Variants in MANBA observed in about 807,000 individuals in gnomAD.
MANBA encodes the protein beta-mannosidase.
Under a neutral mutation model 111.1 loss-of-function variants are expected in MANBA, and 83 were observed. The observed-to-expected ratio is 0.75, with a 90% CI of 0.63 to 0.90. MANBA has a LOEUF of 0.90. Ranked by LOEUF, MANBA falls within the 40% of genes least tolerant of loss-of-function variation. The pLI, the probability that MANBA is intolerant of heterozygous loss-of-function variation, is 0.00. For missense variants in MANBA, 1,036 were observed against 1,069.0 expected (o/e 0.97, Z 0.43); for synonymous variants, 370 against 378.7 (o/e 0.98, Z 0.27).
At chr4:102,757,252 C>A (rs1038005679) in intron 1 of MANBA, among the ~76,000 whole-genome samples, 1 of 151,834 alleles carries the variant, frequency 6.6e-6, no homozygotes, top group Non-Finnish European at 1.5e-5. Context: ...TCTCTTGAAC[C>A]CAGGAGGCAG....
intron 10 of MANBA, 134 bp from the exon 11 acceptor site, chr4:102,664,986 T>C (rs986859522): frequency 6.0e-6 from 4 of 664,276 alleles, no homozygotes; most frequent in South Asian, 1.8e-5. Flanking sequence ...AATTTGAAAA[T>C]GGCTAGTCAT....
At chr4:102,655,673 G>A (rs1730527964) in intron 12 of MANBA, among the ~76,000 whole-genome samples, 1 of 152,150 alleles carries the variant, frequency 6.6e-6, no homozygotes, top group African/African-American at 2.4e-5. Flanking sequence ...AGACTTGAAT[G>A]CAAGAGCTAA....
intron 1 of MANBA, among the ~76,000 whole-genome samples, chr4:102,742,070 C>T (rs1723423033): frequency 6.6e-6 from 1 of 152,184 alleles, no homozygotes; most frequent in Non-Finnish European, 1.5e-5. Flanking sequence ...TCCACGCATA[C>T]TCTTCCTTAT....
intron 5 of MANBA, among the ~76,000 whole-genome samples, chr4:102,711,289 TA>T (rs1722054070): frequency 1.3e-5 from 2 of 152,064 alleles, no homozygotes; most frequent in African/African-American, 4.8e-5. Context: ...TAACCCCATT[TA>T]AAAGTGGGCA....
intron 1 of MANBA, chr4:102,734,388 G>T: frequency 6.2e-7 from 1 of 1,610,404 alleles, no homozygotes; most frequent in Admixed American, 1.7e-5. Context: ...CTCACCTCTG[G>T]AGGTGCCTGA....
At chr4:102,643,912 C>A (rs759836987) in intron 13 of MANBA, among the ~76,000 whole-genome samples, 2 of 152,114 alleles carry the variant, frequency 1.3e-5, no homozygotes, top group Non-Finnish European at 2.9e-5. Flanking sequence ...TGATGACATA[C>A]AATTTGCCTA....
chr4:102,635,980 T>C lies in MANBA; in HGVS notation c.2042A>G (p.His681Arg), dbSNP rs185264268. 19 of 1,613,880 alleles carry C rather than the reference T, an allele frequency of 1.2e-5. No individual in the cohort carries two copies. The Admixed American group carries it at 1.7e-4, about 14-fold the overall frequency. Residue 681 changes from histidine to arginine, a missense_variant, in exon 15 of 17, where the codon CAT becomes CGT. Coordinates refer to ENST00000647097, the MANE Select transcript of MANBA (RefSeq NM_005908.4). ...LEYGGKWKML[H>R]YFAQNFFAPL... ...AGCAAAGAAATTCTGAGCAAAGTAA[T>C]GAAGCATTTTCCACTTTCCTCCGTA...
At position 102,671,151 on chromosome 4, in the gene MANBA, T is replaced by G; in HGVS notation, c.1230+130A>C. 3 of 712,970 alleles carry G rather than the reference T, an allele frequency of 4.2e-6. No homozygotes were observed. The South Asian group carries it at 4.5e-5, about 11-fold the overall frequency. The allele number at this position is 712,970 out of a possible 1,614,324, so 44.2% of individuals were successfully genotyped here. On this transcript the variant is annotated intron_variant, in intron 9 of 16. Transcript: ENST00000647097. ...GGCTCTTGGTTTACAAGATGCCATT[T>G]ATTCCTATAGCCCCAAATGGAATAT...
In MANBA at chr4:102,669,050, C is replaced by G; in HGVS notation, c.1231-1G>C. The G allele has an allele frequency of 6.2e-7, 1 of 1,609,190 alleles. No homozygotes were observed. The highest frequency in any genetic ancestry group is 1.3e-5 in the African/African-American group (1 of 74,944). On this transcript the variant is annotated splice_acceptor_variant, in intron 9 of 16. Coordinates refer to ENST00000647097, the MANE Select transcript of MANBA (RefSeq NM_005908.4). LOFTEE classifies it high-confidence loss of function. Reference sequence around the variant, plus strand: ...AGGCAAACATAAAATCCTGCCATACCTAGCAAATCAAATAAAAGGGAATGC... The same window carrying G: ...AGGCAAACATAAAATCCTGCCATACGTAGCAAATCAAATAAAAGGGAATGC...
At chr4:102,638,946 TTTCTAC>T in intron 14 of MANBA, among the ~76,000 whole-genome samples, 1 of 152,224 alleles carries the variant, frequency 6.6e-6, no homozygotes, top group Non-Finnish European at 1.5e-5. Context: ...TCACCCAACC[TTTCTAC>T]TTTGTGGCCT....
intron 1 of MANBA, chr4:102,752,179 T>A (rs566246123): frequency 2.5e-6 from 2 of 801,216 alleles, no homozygotes; most frequent in South Asian, 2.7e-5. Context: ...TGTGGTCAGA[T>A]GCTGAAGAAA....
intron 5 of MANBA, among the ~76,000 whole-genome samples, chr4:102,701,972 T>A (rs1462760636): frequency 6.6e-6 from 1 of 152,124 alleles, no homozygotes; most frequent in East Asian, 1.9e-4. Flanking sequence ...CTTGGTTCCA[T>A]TCTCCCCGTC....
chr4:102,690,776 A>C lies in MANBA; in HGVS notation c.674-5T>G, dbSNP rs1212032459. 2 of 1,363,838 alleles carry C rather than the reference A, an allele frequency of 1.5e-6. No individual in the cohort carries two copies. Among genetic ancestry groups the C allele is most frequent in the Middle Eastern group, 1.9e-4 (1 of 5,262 alleles). 84.5% of individuals were successfully genotyped at this position (1,363,838 alleles called of 1,614,324 possible). On this transcript the variant is annotated splice_region_variant and splice_polypyrimidine_tract_variant and intron_variant, in intron 5 of 16. Transcript: ENST00000647097. The stretch of plus-strand genomic sequence containing the variant: ...TCCACTCCTGGGCACTCTTATCTAA[A>C]ATATAAAAAGAAAAAGAAATATATA...
rs908353283 is a variant in MANBA at position 102,668,015 on chromosome 4, A to G, written c.1317+948T>C. 3.0e-4 allele frequency: 45 copies of G among 152,210 alleles called. 1 individual carries two copies. Among genetic ancestry groups the G allele is most frequent in the Non-Finnish European group, 2.9e-5 (2 of 68,022 alleles). The allele number at this position is 152,210 out of a possible 1,614,324, so 9.4% of individuals were successfully genotyped here. ...TATTTTACTAGCATATGATACACTC[A>G]CAAGTTGGTTTCTAAACTGTATTTT... On this transcript the variant is annotated intron_variant, in intron 10 of 16. Transcript: ENST00000647097.
intron 1 of MANBA, among the ~76,000 whole-genome samples, chr4:102,760,516 T>A (rs1468109954): frequency 6.6e-6 from 1 of 152,198 alleles, no homozygotes; most frequent in Non-Finnish European, 1.5e-5. Context: ...TGTCCCAACA[T>A]GGGTCGGTCG....
At chr4:102,691,533 AC>A (rs1031058668) in intron 5 of MANBA, among the ~76,000 whole-genome samples, 8 of 141,758 alleles carry the variant, frequency 5.6e-5, no homozygotes, top group African/African-American at 2.1e-4. Context: ...TTTTTTTTTG[AC>A]ACAGGTTCTC....
At chr4:102,717,897 T>C (rs574593077) in intron 4 of MANBA, among the ~76,000 whole-genome samples, 1 of 152,182 alleles carries the variant, frequency 6.6e-6, no homozygotes, top group African/African-American at 2.4e-5. Context: ...AGAAAAGCAG[T>C]GCTGTGATCA....
chr4:102,707,165 C>T (rs2110265147), intron 5 of MANBA, among the ~76,000 whole-genome samples: 1 of 152,168 alleles, frequency 6.6e-6, no homozygotes, highest in Admixed American at 6.5e-5. Flanking sequence ...AGAGAGAATT[C>T]TAAAATCAGC....
chr4:102,651,445 CA>C (rs1175836649), intron 12 of MANBA, among the ~76,000 whole-genome samples: 1 of 151,698 alleles, frequency 6.6e-6, no homozygotes, highest in Non-Finnish European at 1.5e-5. Context: ...ATACCTTCTA[CA>C]AAAAAAGAGA....
Sources: allele counts gnomAD v4.1 joint callset (sites outside exome capture counted in the v4.1 genomes callset), GRCh38; gene constraint gnomAD v4.1.1; transcripts MANE v1.5; gene names NCBI Gene and HGNC (gene_info 2026-07-23, HGNC 2026-07-21).